TAS1R1: variants seen among roughly 807,000 people sequenced by gnomAD.
TAS1R1 encodes taste 1 receptor member 1.
TAS1R1 carries 31 observed loss-of-function variants against 45.8 expected under a neutral mutation model. That is an observed-to-expected ratio of 0.68 (90% CI 0.51 to 0.91). The LOEUF (loss-of-function observed/expected upper bound fraction) is 0.91, where lower values mean the gene tolerates loss of function less well. Ranked by LOEUF, TAS1R1 falls within the 40% of genes least tolerant of loss-of-function variation. TAS1R1 has a pLI of 0.00. For missense variants in TAS1R1, 1,051 were observed against 1,063.9 expected, an observed-to-expected ratio of 0.99 and a Z score of 0.17; for synonymous variants, 437 against 448.4, an observed-to-expected ratio of 0.97 and a Z score of 0.32.
rs1640300169 is a variant in TAS1R1 at position 6,579,192 on chromosome 1, T to C, written c.2134T>C (p.Phe712Leu). The change falls in exon 6 of 6, where the codon TTC (phenylalanine) becomes CTC (leucine). Residue 712 changes from phenylalanine to leucine, a missense_variant. Coordinates refer to ENST00000333172, the MANE Select transcript of TAS1R1 (RefSeq NM_138697.4). ...TPLPAREYQR[F>L]PHLVMLECTE... ...ACTGCCTGCTAGGGAATACCAGCGC[T>C]TCCCCCATCTGGTGATGCTTGAGTG... The C allele has an allele frequency of 6.2e-7, 1 of 1,614,086 alleles. No homozygotes were observed. The highest frequency in any genetic ancestry group is 1.3e-5 in the African/African-American group (1 of 74,952).
chr1:6,578,693 A>C lies in TAS1R1; in HGVS notation c.1635A>C (p.Ala545=). The part of the protein sequence containing the change: ...RCQPCGKEEW[A]PEGSQTCFPR... ...AGCCTTGTGGGAAAGAAGAGTGGGC[A>C]CCTGAGGGAAGCCAGACCTGCTTCC... is the stretch of plus-strand genomic sequence containing the variant. The change falls in exon 6 of 6, where the codon GCA becomes GCC. Residue 545 remains alanine (A), a synonymous_variant. Coordinates refer to ENST00000333172, the MANE Select transcript of TAS1R1 (RefSeq NM_138697.4). 1.2e-6 allele frequency: 2 copies of C among 1,600,650 alleles called. No homozygotes were observed. Among genetic ancestry groups the C allele is most frequent in the Non-Finnish European group, 1.7e-6 (2 of 1,171,742 alleles).
In TAS1R1 at chr1:6,575,253, C is replaced by T. The variant is rs183694164; in HGVS notation, c.1121C>T (p.Thr374Met). Residue 374 changes from threonine to methionine, a missense_variant, in exon 3 of 6, where the codon ACG (threonine) becomes ATG (methionine). By Grantham distance (81) the Thr-to-Met change is moderately conservative. Coordinates refer to ENST00000333172, the MANE Select transcript of TAS1R1 (RefSeq NM_138697.4). ...GAATGCCAAGCTTTCATGGCACACA[C>T]GATGCCCAAGCTCAAAGCCTTCTCC... is the stretch of plus-strand genomic sequence containing the variant. ...CRECQAFMAHTMPKLKAFSMS... is the reference protein window; with the variant it reads ...CRECQAFMAHMMPKLKAFSMS... 4.0e-5 allele frequency: 65 copies of T among 1,613,426 alleles called. No individual in the cohort carries two copies. In the East Asian group the frequency reaches 1.1e-3, roughly 27 times the overall value.
Position 6,568,379 on chromosome 1 carries a change from C to T in TAS1R1, c.192-2530C>T, listed in dbSNP as rs1248523366. On this transcript the variant is annotated intron_variant, in intron 1 of 5. Transcript: ENST00000333172. ...CTGAGACAGGAGAATGGCGTGAACC[C>T]GGGAGGCGGAGCTTGCAGTGAGCCG... Among the ~76,000 whole-genome samples the T allele has an allele frequency of 4.6e-5, 7 of 150,898 alleles. No individual in the cohort carries two copies. The East Asian group carries it at 9.7e-4, about 21-fold the overall frequency.
chr1:6,576,316 C>A, intron 3 of TAS1R1, 99 bp from the exon 4 acceptor site: 2 of 1,171,538 alleles, frequency 1.7e-6, no homozygotes, highest in Non-Finnish European at 2.5e-6. Context: ...TGGGCTGAAA[C>A]CACCAGGACG....
chr1:6,578,002 C>T (rs1050459906), intron 5 of TAS1R1, among the ~76,000 whole-genome samples: 7 of 152,132 alleles, frequency 4.6e-5, no homozygotes, highest in Non-Finnish European at 7.3e-5. Context: ...TCCTACTGTC[C>T]CTTCTGTTGC....
chr1:6,574,948 T>C lies in TAS1R1; in HGVS notation c.816T>C (p.Val272=), dbSNP rs368555479. 6.2e-7 allele frequency: 1 copy of C among 1,610,024 alleles called. No individual in the cohort carries two copies. Among genetic ancestry groups the C allele is most frequent in the South Asian group, 1.1e-5 (1 of 90,982 alleles). ...CCCAGGCCGGGGCCACCGTCGTGGTTGTTTTTTCCAGCCGGCAGTTGGCCA... is the reference window on the plus strand; with the variant it reads ...CCCAGGCCGGGGCCACCGTCGTGGTCGTTTTTTCCAGCCGGCAGTTGGCCA... ...HLAQAGATVV[V]VFSSRQLARV... is the part of the protein sequence containing the mutation. The change falls in exon 3 of 6, where the codon GTT becomes GTC. Residue 272 remains valine, a synonymous_variant. Transcript: ENST00000333172. The surrounding 1 kb of genome is among the most constrained non-coding windows in gnomAD (Gnocchi z 4.3).
At position 6,576,450 on chromosome 1, in the gene TAS1R1, A is replaced by G. The variant is rs1640174984; in HGVS notation, c.1296A>G (p.Leu432=). The G allele has an allele frequency of 2.5e-6, 4 of 1,614,186 alleles. No individual in the cohort carries two copies. The East Asian group carries it at 8.9e-5, about 36-fold the overall frequency. The change falls in exon 4 of 6, where the codon CTA becomes CTG. Residue 432 remains leucine, a synonymous_variant. Coordinates refer to ENST00000333172, the MANE Select transcript of TAS1R1 (RefSeq NM_138697.4). Reference sequence around the variant, plus strand: ...AGATCCACAAGGTGCATTTCCTTCTACACAAGGACACTGTGGCGTTTAATG... The same window carrying G: ...AGATCCACAAGGTGCATTTCCTTCTGCACAAGGACACTGTGGCGTTTAATG... ...LEQIHKVHFL[L]HKDTVAFNDN...
Position 6,576,597 on chromosome 1 carries a change from C to A in TAS1R1, c.1443C>A (p.Thr481=), listed in dbSNP as rs773594319. 4 of 1,613,782 alleles carry A rather than the reference C, an allele frequency of 2.5e-6. No individual in the cohort carries two copies. The highest frequency in any genetic ancestry group is 3.4e-6 in the Non-Finnish European group (4 of 1,179,710). The change falls in exon 4 of 6, where the codon ACC becomes ACA. Residue 481 remains threonine (T), a synonymous_variant. Transcript: ENST00000333172. ...WSPVQLNINE[T]KIQWHGKDNQ... ...CAGTTCAGCTAAACATAAATGAGAC[C>A]AAAATCCAGTGGCACGGAAAGGACA...
Position 6,556,381 on chromosome 1 carries a change from T to TC in TAS1R1, c.191+817_191+818insC, listed in dbSNP as rs1553185475. ...GTAGAGGGAAACTACTGCTTTTCTT[T>TC]TATTTCTATCTATCTATCTATCTAT... is the stretch of plus-strand genomic sequence containing the variant. On this transcript the variant is annotated intron_variant, in intron 1 of 5. Coordinates refer to ENST00000333172, the MANE Select transcript of TAS1R1 (RefSeq NM_138697.4). Among the ~76,000 whole-genome samples the TC allele has an allele frequency of 6.5e-4, 48 of 74,390 alleles. 1 individual carries two copies. The highest frequency in any genetic ancestry group is 2.1e-3 in the African/African-American group (40 of 18,864). The allele number at this position is 74,390 out of a possible 152,430, so 48.8% of individuals were successfully genotyped here.
chr1:6,569,404 C>T (rs1000565138), intron 1 of TAS1R1, among the ~76,000 whole-genome samples: 17 of 152,146 alleles, frequency 1.1e-4, no homozygotes, highest in Non-Finnish European at 1.8e-4. Flanking sequence ...CAAAAGTTGT[C>T]TAAGTCTTTA....
At chr1:6,573,865 G>A (rs746501721) in intron 2 of TAS1R1, among the ~76,000 whole-genome samples, 21 of 151,932 alleles carry the variant, frequency 1.4e-4, no homozygotes, top group East Asian at 1.9e-4. Flanking sequence ...GGGTTTCACC[G>A]TGTTAGCCAG....
At chr1:6,561,144 G>A (rs996297006) in intron 1 of TAS1R1, among the ~76,000 whole-genome samples, 10 of 152,184 alleles carry the variant, frequency 6.6e-5, no homozygotes, top group Non-Finnish European at 1.0e-4. Flanking sequence ...GGAGGCAAGG[G>A]CCAAATGCTA....
In TAS1R1 at chr1:6,574,075, A is replaced by G. The variant is rs547424515; in HGVS notation, c.499-556A>G. Among the ~76,000 whole-genome samples the G allele has an allele frequency of 1.1e-4, 16 of 152,200 alleles. No homozygotes were observed. The highest frequency in any genetic ancestry group is 3.6e-4 in the African/African-American group (15 of 41,514). On this transcript the variant is annotated intron_variant, in intron 2 of 5. Coordinates refer to ENST00000333172, the MANE Select transcript of TAS1R1 (RefSeq NM_138697.4). This position sits in a 1 kb window ranked among gnomAD's most constrained non-coding sequence, Gnocchi z 4.3. ...TGGTCCCATCTGGGGGTGATGGGAG[A>G]CAGTGACAGATCATCAGACATTAGA...
At chr1:6,560,567 A>C (rs914016948) in intron 1 of TAS1R1, among the ~76,000 whole-genome samples, 1 of 152,210 alleles carries the variant, frequency 6.6e-6, no homozygotes, top group Non-Finnish European at 1.5e-5. Context: ...AGAGAAAAAC[A>C]AGGGGTGGGG....
intron 1 of TAS1R1, among the ~76,000 whole-genome samples, chr1:6,569,271 T>G: frequency 6.7e-6 from 1 of 150,374 alleles, no homozygotes; most frequent in African/African-American, 2.5e-5. Flanking sequence ...AGAGGGTGAG[T>G]TGGGTTTGGA....
At chr1:6,575,512 T>TTTTTG (rs747903185) in intron 3 of TAS1R1, 120 bp downstream of exon 3, 14 of 1,225,976 alleles carry the variant, frequency 1.1e-5, no homozygotes, top group South Asian at 1.7e-5. Flanking sequence ...AACTTGAGGT[T>TTTTTG]TTTTGTTTTG....
chr1:6,577,137 TCCCTTGGGC>T, intron 5 of TAS1R1, 67 bp downstream of exon 5: 1 of 1,598,708 alleles, frequency 6.3e-7, no homozygotes, highest in East Asian at 2.2e-5. Context: ...AGGGAGGGCC[TCCCTTGGGC>T]CCCATGTGCC....
At chr1:6,571,956 T>C (rs1288594443) in intron 2 of TAS1R1, among the ~76,000 whole-genome samples, 1 of 152,208 alleles carries the variant, frequency 6.6e-6, no homozygotes, top group East Asian at 1.9e-4. Flanking sequence ...CTTGCTGATG[T>C]CAGTCCTGTC....
intron 5 of TAS1R1, 27 bp from the exon 6 acceptor site, chr1:6,578,626 A>C: frequency 1.3e-6 from 2 of 1,529,338 alleles, no homozygotes. Context: ...TCTGGCTCTC[A>C]GGAACCTTCT....
Sources: gnomAD v4.1 joint callset for allele counts (sites outside exome capture counted in the v4.1 genomes callset) on GRCh38, gnomAD v4.1.1 for gene constraint, Gnocchi (gnomAD v3.1) non-coding constraint, MANE v1.5 for transcripts, NCBI Gene and HGNC (gene_info 2026-07-23, HGNC 2026-07-21) for gene names.